Variants in KIF15 observed in about 807,000 individuals in gnomAD.
The protein encoded by KIF15 is kinesin-like protein KIF15.
In KIF15, 140 loss-of-function variants were observed where a neutral mutation model predicts 190.6. The ratio of observed to expected loss-of-function variants is 0.73; its 90% CI spans 0.64 to 0.84. The LOEUF is 0.84. Among genes scored for constraint, KIF15 ranks in the 40% least tolerant of loss-of-function variants. KIF15 has a pLI of 0.00. For synonymous variants in KIF15, 528 were observed against 551.3 expected (o/e 0.96, Z 0.59); for missense variants, 1,372 against 1,584.4 (o/e 0.87, Z 2.28).
At chr3:44,852,644 T>C in intron 34 of KIF15, 29 bp from the exon 35 acceptor site, 1 of 1,518,080 alleles carries the variant, frequency 6.6e-7, no homozygotes, top group South Asian at 1.2e-5. Context: ...CCTTATTTTT[T>C]TTCTTTTTGT....
Position 44,852,820 on chromosome 3 carries a change from G to A in KIF15, c.*85G>A. Reference sequence around the variant, plus strand: ...GTAAGACCTACTCCTGGCCACTTAGGAGAGCTGAATTTATGGACCTTAATT... The same window carrying A: ...GTAAGACCTACTCCTGGCCACTTAGAAGAGCTGAATTTATGGACCTTAATT... On this transcript the variant is annotated 3_prime_UTR_variant, in exon 35 of 35. Coordinates refer to ENST00000326047, the MANE Select transcript of KIF15 (RefSeq NM_020242.3). The A allele has an allele frequency of 1.9e-6, 2 of 1,073,586 alleles. No individual in the cohort carries two copies. The allele number at this position is 1,073,586 out of a possible 1,614,324, so 66.5% of individuals were successfully genotyped here.
chr3:44,780,089 TA>T (rs1458643585), intron 4 of KIF15, among the ~76,000 whole-genome samples: 17 of 88,222 alleles, frequency 1.9e-4, no homozygotes, highest in African/African-American at 7.0e-4. Context: ...TTTTTTTTTT[TA>T]AAAGAGATGG....
At chr3:44,805,199 T>C (rs1707440597) in intron 15 of KIF15, 31 bp downstream of exon 15, 13 of 1,573,006 alleles carry the variant, frequency 8.3e-6, no homozygotes, top group Non-Finnish European at 1.1e-5. Context: ...CATGCACACT[T>C]ATTTTCTTTC....
In KIF15 at chr3:44,826,293, C is replaced by T. The variant is rs1369863518; in HGVS notation, c.2701-82C>T. 2.6e-6 allele frequency: 4 copies of T among 1,552,226 alleles called. No individual in the cohort carries two copies. The African/African-American group carries it at 5.5e-5, about 21-fold the overall frequency. ...TCTTTGCTATACTTGCCCACAGTGC[C>T]TGCCACATAGAAGGTACTTGACATG... On this transcript the variant is annotated intron_variant, in intron 21 of 34. Transcript: ENST00000326047.
downstream of KIF15, among the ~76,000 whole-genome samples, chr3:44,854,572 A>G (rs1699164480): frequency 6.6e-6 from 1 of 152,166 alleles, no homozygotes; most frequent in Non-Finnish European, 1.5e-5. Context: ...GAGGTAGAAG[A>G]AGGTGGAATA....
downstream of KIF15, among the ~76,000 whole-genome samples, chr3:44,855,195 GT>G (rs757025664): frequency 7.2e-5 from 11 of 152,216 alleles, no homozygotes; most frequent in Non-Finnish European, 1.6e-4. Flanking sequence ...TAGGAGCAAT[GT>G]TTTGCAGGCA....
intron 30 of KIF15, among the ~76,000 whole-genome samples, chr3:44,846,592 G>A (rs1370851067): frequency 3.3e-5 from 5 of 151,920 alleles, no homozygotes; most frequent in Non-Finnish European, 1.5e-5. Flanking sequence ...GACTAACATG[G>A]TGAAACCCTG....
At chr3:44,825,003 A>AC (rs1203340008) in intron 20 of KIF15, among the ~76,000 whole-genome samples, 1 of 151,998 alleles carries the variant, frequency 6.6e-6, no homozygotes, top group East Asian at 1.9e-4. Flanking sequence ...CAAGCAGTCC[A>AC]CCCACCTCAG....
intron 7 of KIF15, among the ~76,000 whole-genome samples, chr3:44,787,012 A>G (rs542747173): frequency 6.6e-5 from 10 of 152,320 alleles, no homozygotes; most frequent in African/African-American, 2.4e-4. Context: ...TATTCTAGAT[A>G]TGTTTTTATG....
intron 1 of KIF15, among the ~76,000 whole-genome samples, chr3:44,767,409 G>A (rs927524088): frequency 5.9e-5 from 9 of 152,210 alleles, no homozygotes; most frequent in Non-Finnish European, 8.8e-5. Flanking sequence ...TACGAAGAGT[G>A]AGAAAGAACA....
At chr3:44,828,325 T>C in intron 24 of KIF15, 25 bp downstream of exon 24, 1 of 1,494,734 alleles carries the variant, frequency 6.7e-7, no homozygotes, top group Non-Finnish European at 9.3e-7. Context: ...AAGCTACATC[T>C]CTCTGTGCAT....
chr3:44,840,501 G>A, intron 28 of KIF15, 45 bp downstream of exon 28: 1 of 1,391,600 alleles, frequency 7.2e-7, no homozygotes, highest in Non-Finnish European at 1.0e-6. Flanking sequence ...AAACAGTTTT[G>A]TAAATGATAA....
At chr3:44,852,461 T>TAAA in intron 34 of KIF15, 122 bp downstream of exon 34, 28 of 804,690 alleles carry the variant, frequency 3.5e-5, no homozygotes, top group Non-Finnish European at 4.2e-5. Flanking sequence ...CTTCCTGAAT[T>TAAA]AAAAAAAAAA....
chr3:44,830,687 C>A lies in KIF15; in HGVS notation c.3049-209C>A, dbSNP rs1227352987. Reference sequence around the variant, plus strand: ...TTTCTGAAGGCAGTAGATGACAAACCCTGTGTTTTTTTCACTGATACTTAG... The same window carrying A: ...TTTCTGAAGGCAGTAGATGACAAACACTGTGTTTTTTTCACTGATACTTAG... On this transcript the variant is annotated intron_variant, in intron 25 of 34. Transcript: ENST00000326047. 3.3e-5 allele frequency among the ~76,000 whole-genome samples: 5 copies of A among 152,202 alleles called. No homozygotes were observed. The East Asian group carries it at 9.7e-4, about 29-fold the overall frequency.
chr3:44,769,571 C>A (rs908902612), intron 1 of KIF15, among the ~76,000 whole-genome samples: 5 of 152,174 alleles, frequency 3.3e-5, no homozygotes, highest in Non-Finnish European at 2.9e-5. Flanking sequence ...GATGTTTATC[C>A]ATGAAACAGG....
intron 1 of KIF15, among the ~76,000 whole-genome samples, chr3:44,767,749 T>G (rs1705459757): frequency 6.6e-6 from 1 of 150,862 alleles, no homozygotes; most frequent in Admixed American, 6.6e-5. Flanking sequence ...CAAAAAATTC[T>G]CAGGGCGTGG....
chr3:44,857,165 C>A (rs765273881), downstream of KIF15, among the ~76,000 whole-genome samples: 3 of 152,004 alleles, frequency 2.0e-5, no homozygotes, highest in Non-Finnish European at 2.9e-5. Flanking sequence ...GTTTGGTATC[C>A]AGAATAATGT....
At chr3:44,820,495 C>A (rs879558980) in intron 20 of KIF15, among the ~76,000 whole-genome samples, 1 of 151,968 alleles carries the variant, frequency 6.6e-6, no homozygotes, top group East Asian at 1.9e-4. Context: ...GAGGACCCTG[C>A]GGCCTTCCGC....
intron 19 of KIF15, 161 bp downstream of exon 19, chr3:44,813,341 C>A: frequency 2.0e-6 from 1 of 508,222 alleles, no homozygotes; most frequent in Non-Finnish European, 3.4e-6. Context: ...TGGTAAGTAA[C>A]AGTAATATAT....
Sources: allele counts gnomAD v4.1 joint callset (sites outside exome capture counted in the v4.1 genomes callset), GRCh38; gene constraint gnomAD v4.1.1; transcripts MANE v1.5; gene names NCBI Gene and HGNC (gene_info 2026-07-23, HGNC 2026-07-21).